The following NOP14 variants were observed in gnomAD, a reference collection of about 807,000 sequenced individuals.
NOP14 encodes nucleolar protein 14.
NOP14 carries 57 observed loss-of-function variants against 101.6 expected under a neutral mutation model. The observed-to-expected ratio is 0.56, with a 90% CI of 0.45 to 0.70. NOP14 has a LOEUF of 0.70. NOP14 is among the 30% of genes least tolerant of loss of function. The pLI, the probability that NOP14 is intolerant of heterozygous loss-of-function variation, is 0.00. For missense variants in NOP14, 1,134 were observed against 1,075.5 expected, an observed-to-expected ratio of 1.05 and a Z score of -0.76; for synonymous variants, 428 against 424.0, an observed-to-expected ratio of 1.01 and a Z score of -0.12.
chr4:2,954,632 C>G, intron 3 of NOP14, 69 bp from the exon 4 acceptor site: 2 of 1,556,636 alleles, frequency 1.3e-6, no homozygotes, highest in South Asian at 1.2e-5. Context: ...TCCTGTAGCA[C>G]TCTGCCAGTG....
intron 5 of NOP14, among the ~76,000 whole-genome samples, chr4:2,953,268 G>A (rs938390292): frequency 6.6e-6 from 1 of 152,200 alleles, no homozygotes; most frequent in Non-Finnish European, 1.5e-5. Context: ...CCACCCTGAA[G>A]TACTTCTTCC....
chr4:2,939,468 C>T (rs761637258), intron 16 of NOP14, 59 bp downstream of exon 16: 170 of 1,596,234 alleles, frequency 1.1e-4, no homozygotes, highest in Middle Eastern at 1.7e-4. Context: ...AGACGCCCCC[C>T]GTCAGCTCCC....
At chr4:2,961,240 T>TA (rs1377341515) in intron 1 of NOP14, 110 of 146,412 alleles carry the variant, frequency 7.5e-4, no homozygotes, top group African/African-American at 2.6e-3. Flanking sequence ...AGTATATTAA[T>TA]ATATAGTAAC....
chr4:2,960,947 TTATTATATTAATATTATATCAA>T (rs1715778769), intron 1 of NOP14, among the ~76,000 whole-genome samples: 1 of 55,734 alleles, frequency 1.8e-5, no homozygotes, highest in Non-Finnish European at 3.2e-5. Context: ...TATATCAATA[TTATTATATTAATATTATATCAA>T]TATTATATTA....
chr4:2,950,452 G>T lies in NOP14; in HGVS notation c.1003-239C>A, dbSNP rs1013372750. The T allele has an allele frequency of 1.6e-5, 9 of 564,608 alleles. No individual in the cohort carries two copies. The East Asian group carries it at 2.7e-4, about 17-fold the overall frequency. 35.0% of individuals were successfully genotyped at this position (564,608 alleles called of 1,614,324 possible). On this transcript the variant is annotated intron_variant, in intron 7 of 17. Transcript: ENST00000416614. ...AACCCTGCGGCAGGATGCTGGGCGC[G>T]GTTCAGCTTTTGCCAGGGAGCAGCA...
At chr4:2,959,433 A>T (rs1489109024) in intron 1 of NOP14, among the ~76,000 whole-genome samples, 4 of 151,970 alleles carry the variant, frequency 2.6e-5, no homozygotes, top group African/African-American at 9.7e-5. Flanking sequence ...TCTACTAAAA[A>T]TACAAAAAAA....
chr4:2,958,870 G>A (rs1357422499), intron 1 of NOP14, among the ~76,000 whole-genome samples: 3 of 152,152 alleles, frequency 2.0e-5, no homozygotes, highest in Non-Finnish European at 4.4e-5. Context: ...TCAAAACCAG[G>A]AGCTGGAAGA....
intron 13 of NOP14, among the ~76,000 whole-genome samples, chr4:2,942,635 G>T (rs112014049): frequency 6.6e-6 from 1 of 152,204 alleles, no homozygotes; most frequent in Non-Finnish European, 1.5e-5. Context: ...TGGGGCTGAT[G>T]AGGCGCTCAG....
chr4:2,945,971 CCGTG>C (rs1714592518), intron 11 of NOP14, among the ~76,000 whole-genome samples: 1 of 124,390 alleles, frequency 8.0e-6, no homozygotes, highest in Non-Finnish European at 1.7e-5. Flanking sequence ...ACCCTCACTG[CCGTG>C]CACTCTCACT....
chr4:2,956,921 A>C, intron 2 of NOP14, 110 bp from the exon 3 acceptor site: 1 of 943,452 alleles, frequency 1.1e-6, no homozygotes, highest in Non-Finnish European at 1.5e-6. Flanking sequence ...TATGACAACG[A>C]ATCCTAAGCA....
At chr4:2,946,732 C>G (rs1439360609) in intron 10 of NOP14, 185 bp from the exon 11 acceptor site, 3 of 594,138 alleles carry the variant, frequency 5.0e-6, no homozygotes, top group Non-Finnish European at 5.9e-6. Context: ...AAAACTCGGC[C>G]ATAACATTAT....
intron 5 of NOP14, among the ~76,000 whole-genome samples, chr4:2,952,990 G>A (rs7667661): frequency 0.11 from 16,559 of 152,166 alleles, 1,001 homozygotes; most frequent in African/African-American, 0.17. Flanking sequence ...CTAAACGTGG[G>A]AAACTAAGTA....
intron 15 of NOP14, 31 bp from the exon 16 acceptor site, chr4:2,939,676 T>C (rs1364836098): frequency 1.6e-5 from 25 of 1,526,168 alleles, no homozygotes; most frequent in Non-Finnish European, 2.2e-5. Flanking sequence ...GACTCTGCGA[T>C]GACTCACCTG....
Position 2,938,105 on chromosome 4 carries a change from C to G in NOP14, c.*726G>C. On this transcript the variant is annotated 3_prime_UTR_variant, in exon 18 of 18. Transcript: ENST00000416614. ...TGATAACACACAGACCATTCCCGAT[C>G]CCAGAGGTGCATTTCAGGATTCATT... 1 of 985,568 alleles carries G rather than the reference C, an allele frequency of 1.0e-6. No homozygotes were observed. The highest frequency in any genetic ancestry group is 1.4e-6 in the Non-Finnish European group (1 of 729,806). The allele number at this position is 985,568 out of a possible 1,614,324, so 61.1% of individuals were successfully genotyped here.
chr4:2,946,017 T>G (rs112922900), intron 11 of NOP14, among the ~76,000 whole-genome samples: 4 of 25,480 alleles, frequency 1.6e-4, no homozygotes, highest in Admixed American at 1.1e-3. Context: ...GCACTCTCAC[T>G]CCAGATCACC....
rs527387758 is a variant in NOP14, at chr4:2,944,889, T to C, written c.1737+239A>G. Among the ~76,000 whole-genome samples, 7 of 152,388 alleles carry C rather than the reference T, an allele frequency of 4.6e-5. No homozygotes were observed. The East Asian group carries it at 1.3e-3, about 29-fold the overall frequency. ...TCACCACTAACTTGAAAGGTTGTTT[T>C]CTGGGGTAGCACCATCTGTAACCTT... On this transcript the variant is annotated intron_variant, in intron 12 of 17. Transcript: ENST00000416614.
chr4:2,955,173 ACG>A (rs1207058051), intron 3 of NOP14, among the ~76,000 whole-genome samples: 7 of 79,204 alleles, frequency 8.8e-5, no homozygotes, highest in African/African-American at 2.1e-4. Context: ...AGTCACCTGC[ACG>A]CCACGGCGCC....
At chr4:2,949,850 C>G in intron 8 of NOP14, 84 bp downstream of exon 8, 1 of 1,518,566 alleles carries the variant, frequency 6.6e-7, no homozygotes, top group South Asian at 1.2e-5. Context: ...AAATGCAACC[C>G]CTGGGAGGGA....
At position 2,952,295 on chromosome 4, in the gene NOP14, C is replaced by T; in HGVS notation, c.850G>A (p.Glu284Lys). The change falls in exon 6 of 18, where the codon GAG (glutamate) becomes AAG (lysine). Residue 284 changes from glutamate to lysine, a missense_variant. Physicochemically the swap from Glu to Lys is moderately conservative, Grantham distance 56. Transcript: ENST00000416614. ...CCTACCTCCAGCTTCCTGAGGTGCTCCTGCTCTTCCTTTGCCAATTCTGCC... is the reference window on the plus strand; with the variant it reads ...CCTACCTCCAGCTTCCTGAGGTGCTTCTGCTCTTCCTTTGCCAATTCTGCC... The part of the protein sequence containing the change: ...TEAELAKEEQ[E>K]HLRKLEAERL... The T allele has an allele frequency of 1.2e-6, 2 of 1,613,754 alleles. No individual in the cohort carries two copies. The highest frequency in any genetic ancestry group is 1.7e-6 in the Non-Finnish European group (2 of 1,179,828).
Sources: gnomAD v4.1 joint callset for allele counts (sites outside exome capture counted in the v4.1 genomes callset) on GRCh38, gnomAD v4.1.1 for gene constraint, MANE v1.5 for transcripts, NCBI Gene and HGNC (gene_info 2026-07-23, HGNC 2026-07-21) for gene names.